HOMER1: variants seen among roughly 807,000 people sequenced by gnomAD.
HOMER1 encodes the protein homer protein homolog 1.
Under a neutral mutation model 48.9 loss-of-function variants are expected in HOMER1, and 3 were observed. That is an observed-to-expected ratio of 0.06 (90% CI 0.03 to 0.16). The LOEUF is 0.16. HOMER1 is among the 10% of genes least tolerant of loss of function. HOMER1 has a pLI of 1.00. For missense variants in HOMER1, 247 were observed against 411.4 expected (o/e 0.60, Z 3.46); for synonymous variants, 134 against 146.4 (o/e 0.92, Z 0.61).
chr5:79,392,989 A>AGAG (rs1749293869), intron 8 of HOMER1, among the ~76,000 whole-genome samples: 1 of 113,162 alleles, frequency 8.8e-6, no homozygotes, highest in Non-Finnish European at 1.9e-5. Context: ...GAGAGAGAGA[A>AGAG]GAGAGCCATC....
At chr5:79,495,015 T>C (rs954034985) in intron 1 of HOMER1, among the ~76,000 whole-genome samples, 1 of 152,168 alleles carries the variant, frequency 6.6e-6, no homozygotes, top group Non-Finnish European at 1.5e-5. Context: ...AAGTTACTAT[T>C]CTCCTCTATC....
intron 4 of HOMER1, among the ~76,000 whole-genome samples, chr5:79,442,471 C>CTAA (rs1750760348): frequency 6.6e-6 from 1 of 152,148 alleles, no homozygotes; most frequent in Non-Finnish European, 1.5e-5. Flanking sequence ...TAGGACAAGC[C>CTAA]TTTAGGGTGG....
intron 5 of HOMER1, among the ~76,000 whole-genome samples, chr5:79,411,873 C>G (rs1749822420): frequency 6.6e-6 from 1 of 152,192 alleles, no homozygotes; most frequent in African/African-American, 2.4e-5. Flanking sequence ...AATCCCAGCA[C>G]TTTGGGAGGC....
chr5:79,495,803 C>T (rs1273881064), intron 1 of HOMER1, among the ~76,000 whole-genome samples: 3 of 152,104 alleles, frequency 2.0e-5, no homozygotes, highest in South Asian at 2.1e-4. Context: ...CTTTATCATC[C>T]GCCAAATTCC....
Position 79,425,812 on chromosome 5 carries a change from C to T in HOMER1, c.527+13198G>A, listed in dbSNP as rs537157486. Among the ~76,000 whole-genome samples, 6 of 151,830 alleles carry T rather than the reference C, an allele frequency of 4.0e-5. No homozygotes were observed. In the South Asian group the frequency reaches 1.2e-3, roughly 32 times the overall value. On this transcript the variant is annotated intron_variant, in intron 5 of 8. Transcript: ENST00000334082. ...CTATTATTTCGTAGAGCCAAAGAGA[C>T]CTTAGGTGGTCTCTTTAATAGTAAC... is the stretch of plus-strand genomic sequence containing the variant.
Position 79,439,160 on chromosome 5 carries a change from A to C in HOMER1, c.388-11T>G, listed in dbSNP as rs774833993. The C allele has an allele frequency of 1.2e-6, 2 of 1,613,324 alleles. No homozygotes were observed. Among genetic ancestry groups the C allele is most frequent in the Middle Eastern group, 1.7e-4 (1 of 6,060 alleles). On this transcript the variant is annotated splice_polypyrimidine_tract_variant and intron_variant, in intron 4 of 8. Coordinates refer to ENST00000334082, the MANE Select transcript of HOMER1 (RefSeq NM_004272.5). ...CCCGCCTGCGGATTCCTTTAAAAAA[A>C]GGGGTGGGGGATAAAAAATAGTTAC... is the stretch of plus-strand genomic sequence containing the variant.
chr5:79,491,274 A>T (rs1443206228), intron 1 of HOMER1, among the ~76,000 whole-genome samples: 1 of 150,914 alleles, frequency 6.6e-6, no homozygotes, highest in African/African-American at 2.4e-5. Context: ...TCTACAAAAA[A>T]TAGCCGGGCA....
At chr5:79,391,974 A>T (rs1749265176) in intron 8 of HOMER1, among the ~76,000 whole-genome samples, 1 of 152,088 alleles carries the variant, frequency 6.6e-6, no homozygotes, top group Admixed American at 6.6e-5. Flanking sequence ...AAAAACTCCT[A>T]TCACCCAGCA....
At chr5:79,480,482 T>G (rs997050094) in intron 1 of HOMER1, among the ~76,000 whole-genome samples, 1 of 152,206 alleles carries the variant, frequency 6.6e-6, no homozygotes, top group African/African-American at 2.4e-5. Context: ...TCACTACTTA[T>G]AGAAACTAAA....
intron 1 of HOMER1, among the ~76,000 whole-genome samples, chr5:79,487,204 G>A (rs758419092): frequency 2.9e-4 from 44 of 152,234 alleles, no homozygotes; most frequent in Admixed American, 4.6e-4. Flanking sequence ...GCTTGAACCC[G>A]GGAGGCAGAG....
intron 1 of HOMER1, among the ~76,000 whole-genome samples, chr5:79,480,129 A>T (rs964192165): frequency 8.6e-5 from 13 of 151,554 alleles, no homozygotes; most frequent in Admixed American, 4.0e-4. Context: ...TAAAAAGAAT[A>T]AAAAAAAAGA....
At chr5:79,434,392 A>G (rs1750514289) in intron 5 of HOMER1, among the ~76,000 whole-genome samples, 1 of 152,014 alleles carries the variant, frequency 6.6e-6, no homozygotes, top group Non-Finnish European at 1.5e-5. Flanking sequence ...TGATGCTATG[A>G]AGCAAACAAG....
chr5:79,439,970 A>G (rs927644366), intron 4 of HOMER1, among the ~76,000 whole-genome samples: 1 of 152,170 alleles, frequency 6.6e-6, no homozygotes, highest in African/African-American at 2.4e-5. Flanking sequence ...TGATAGACCT[A>G]TTAACTAGGG....
At chr5:79,379,079 C>CGTAT (rs1491389772) in intron 8 of HOMER1, among the ~76,000 whole-genome samples, 2 of 55,214 alleles carry the variant, frequency 3.6e-5, no homozygotes, top group Non-Finnish European at 7.9e-5. Flanking sequence ...ACCTTTTGTC[C>CGTAT]ATATATATAT....
At position 79,439,165 on chromosome 5, in the gene HOMER1, T is replaced by TG; in HGVS notation, c.388-17dup. ...CTGCGGATTCCTTTAAAAAAAGGGG[T>TG]GGGGGATAAAAAATAGTTACACTTT... is the stretch of plus-strand genomic sequence containing the variant. On this transcript the variant is annotated splice_polypyrimidine_tract_variant and intron_variant, in intron 4 of 8. Transcript: ENST00000334082. 1 of 1,612,218 alleles carries TG rather than the reference T, an allele frequency of 6.2e-7. No homozygotes were observed. Among genetic ancestry groups the TG allele is most frequent in the Non-Finnish European group, 8.5e-7 (1 of 1,179,312 alleles).
At chr5:79,486,760 C>A (rs1301923925) in intron 1 of HOMER1, among the ~76,000 whole-genome samples, 2 of 152,060 alleles carry the variant, frequency 1.3e-5, no homozygotes, top group Non-Finnish European at 2.9e-5. Flanking sequence ...CAGATAAACC[C>A]CAGGTTATGC....
At chr5:79,378,222 CA>C (rs58802660) in intron 8 of HOMER1, among the ~76,000 whole-genome samples, 4,110 of 85,456 alleles carry the variant, frequency 0.048, 135 homozygotes, top group African/African-American at 0.14. Flanking sequence ...GACTCTGTCT[CA>C]AAAAAAAAAA....
In HOMER1 at chr5:79,451,101, G is replaced by A; in HGVS notation, c.183C>T (p.Ile61=). Residue 61 remains isoleucine, a synonymous_variant, in exon 3 of 9, where the codon ATC becomes ATT. Transcript: ENST00000334082. ...DGSKAIINST[I]TPNMTFTKTS... Reference sequence around the variant, plus strand: ...TTTTAGTAAATGTCATGTTTGGGGTGATGGTACTATTTATTATTGCCTAAA... The same window carrying A: ...TTTTAGTAAATGTCATGTTTGGGGTAATGGTACTATTTATTATTGCCTAAA... 6.2e-7 allele frequency: 1 copy of A among 1,613,536 alleles called. No homozygotes were observed. The highest frequency in any genetic ancestry group is 1.3e-5 in the African/African-American group (1 of 75,028).
intron 1 of HOMER1, among the ~76,000 whole-genome samples, chr5:79,470,458 T>G (rs1298898865): frequency 6.6e-6 from 1 of 152,168 alleles, no homozygotes; most frequent in Admixed American, 6.5e-5. Context: ...TTAACCTTAA[T>G]GAAAATTCTG....
Sources: gnomAD v4.1 joint callset for allele counts (sites outside exome capture counted in the v4.1 genomes callset) on GRCh38, gnomAD v4.1.1 for gene constraint, MANE v1.5 for transcripts, NCBI Gene and HGNC (gene_info 2026-07-23, HGNC 2026-07-21) for gene names.